The following YAP1 variants were observed in gnomAD, a reference collection of about 807,000 sequenced individuals.
YAP1 encodes the protein Yes1 associated transcriptional regulator, also known as transcriptional coactivator YAP1.
Under a neutral mutation model 56.9 loss-of-function variants are expected in YAP1, and 5 were observed. The ratio of observed to expected loss-of-function variants is 0.09; its 90% confidence interval spans 0.05 to 0.18. The LOEUF is 0.18. Ranked by LOEUF, YAP1 falls within the 10% of genes least tolerant of loss-of-function variation. The pLI is 1.00. For missense variants in YAP1, 539 were observed against 651.8 expected (o/e 0.83, Z 1.88); for synonymous variants, 265 against 248.1 (o/e 1.07, Z -0.64).
At chr11:102,221,131 A>G (rs1413597481) in intron 6 of YAP1, among the ~76,000 whole-genome samples, 1 of 152,224 alleles carries the variant, frequency 6.6e-6, no homozygotes, top group Non-Finnish European at 1.5e-5. Flanking sequence ...AAGCATGTTA[A>G]GAGGCATGGA....
At chr11:102,135,700 G>A (rs1299952524) in intron 2 of YAP1, among the ~76,000 whole-genome samples, 1 of 152,114 alleles carries the variant, frequency 6.6e-6, no homozygotes, top group Non-Finnish European at 1.5e-5. Context: ...TCAAGCCAAA[G>A]GAATTAGACT....
intron 2 of YAP1, among the ~76,000 whole-genome samples, chr11:102,159,195 G>GT: frequency 6.6e-6 from 1 of 152,106 alleles, no homozygotes; most frequent in Non-Finnish European, 1.5e-5. Flanking sequence ...GTTTGTTTGT[G>GT]TTTGTTTTTG....
intron 3 of YAP1, among the ~76,000 whole-genome samples, chr11:102,164,759 G>T (rs562907576): frequency 6.6e-6 from 1 of 151,860 alleles, no homozygotes; most frequent in South Asian, 2.1e-4. Flanking sequence ...TTTTGCTCTT[G>T]TAGCCCAGGC....
intron 7 of YAP1, among the ~76,000 whole-genome samples, chr11:102,226,730 A>G (rs1234347299): frequency 6.6e-6 from 1 of 152,134 alleles, no homozygotes; most frequent in Non-Finnish European, 1.5e-5. Context: ...TTTTCAAGGG[A>G]TGTGCCTTGC....
rs1184849921 is a variant in YAP1 at position 102,133,154 on chromosome 11, C to A, written c.572+18760C>A. On this transcript the variant is annotated intron_variant, in intron 2 of 8. Coordinates refer to ENST00000282441, the MANE Select transcript of YAP1 (RefSeq NM_001130145.3). ...GCCTGGCAACAGAGTGAGACTCCGT[C>A]TCAAAAATAAATAAATAAACAAACA... Among the ~76,000 whole-genome samples the A allele has an allele frequency of 3.8e-5, 5 of 132,186 alleles. No homozygotes were observed. In the East Asian group the frequency reaches 1.1e-3, roughly 30 times the overall value. 86.7% of individuals were successfully genotyped at this position (132,186 alleles called of 152,430 possible). A position where few individuals can be genotyped will look rare whatever the true frequency, so the allele number is the denominator to read the frequency against.
intron 2 of YAP1, among the ~76,000 whole-genome samples, chr11:102,129,795 CTTTTTTTTT>C (rs773044206): frequency 1.5e-4 from 15 of 102,088 alleles, no homozygotes; most frequent in Non-Finnish European, 2.6e-4. Flanking sequence ...GGAAGCAAAA[CTTTTTTTTT>C]TTTTTTTTTT....
chr11:102,132,454 C>A (rs1285235631), intron 2 of YAP1, among the ~76,000 whole-genome samples: 1 of 152,174 alleles, frequency 6.6e-6, no homozygotes, highest in East Asian at 1.9e-4. Context: ...CTTCTGATAT[C>A]AAAACACTTG....
rs540430039 is a variant in YAP1, at chr11:102,156,546, G to T, written c.573-5910G>T. Among the ~76,000 whole-genome samples, 5 of 152,166 alleles carry T rather than the reference G, an allele frequency of 3.3e-5. No individual in the cohort carries two copies. In the East Asian group the frequency reaches 9.6e-4, roughly 29 times the overall value. ...TCTTTTTTTGCCTTTTCCCTGTAAG[G>T]TGATTATTACGAAAAGAGCTAGGTG... On this transcript the variant is annotated intron_variant, in intron 2 of 8. Coordinates refer to ENST00000282441, the MANE Select transcript of YAP1 (RefSeq NM_001130145.3).
At chr11:102,154,243 C>G (rs1207400602) in intron 2 of YAP1, among the ~76,000 whole-genome samples, 1 of 152,128 alleles carries the variant, frequency 6.6e-6, no homozygotes, top group African/African-American at 2.4e-5. Context: ...AACAAATGTT[C>G]TGATTCTGGT....
chr11:102,147,546 T>C (rs1855223850), intron 2 of YAP1, among the ~76,000 whole-genome samples: 1 of 152,150 alleles, frequency 6.6e-6, no homozygotes, highest in Admixed American at 6.5e-5. Context: ...TATCCCTATT[T>C]ACAGATGAGG....
chr11:102,175,767 G>A (rs1024993429), intron 3 of YAP1, among the ~76,000 whole-genome samples: 1 of 152,178 alleles, frequency 6.6e-6, no homozygotes, highest in Non-Finnish European at 1.5e-5. Context: ...TCTAAACATA[G>A]AAGAGGTAAT....
chr11:102,115,554 G>GTT lies in YAP1; in HGVS notation c.572+1168_572+1169dup, dbSNP rs35987047. 8.0e-4 allele frequency among the ~76,000 whole-genome samples: 120 copies of GTT among 150,762 alleles called. 1 individual carries two copies. The highest frequency in any genetic ancestry group is 4.1e-3 in the Admixed American group (62 of 15,116). On this transcript the variant is annotated intron_variant, in intron 2 of 8. Transcript: ENST00000282441. Reference sequence around the variant, plus strand: ...GGTTTGATCATGAAAAGTTCGTACAGTTTTTTTTTGCCCCCTTTCCTGCAA... The same window carrying GTT: ...GGTTTGATCATGAAAAGTTCGTACAGTTTTTTTTTTTGCCCCCTTTCCTGCAA...
Position 102,223,644 on chromosome 11 carries a change from T to C in YAP1, c.1055T>C (p.Leu352Ser). ...TAGGAGTTAGCCCTGCGTAGCCAGT[T>C]ACCAACACTGGAGCAGGATGGTGGG... Reference protein sequence around the residue: ...KCQELALRSQLPTLEQDGGTQ... With the variant: ...KCQELALRSQSPTLEQDGGTQ... Residue 352 changes from leucine (L) to serine (S), a missense_variant, in exon 7 of 9, where the codon TTA becomes TCA. Physicochemically the swap from Leu to Ser is moderately radical, Grantham distance 145. Coordinates refer to ENST00000282441, the MANE Select transcript of YAP1 (RefSeq NM_001130145.3). 6.2e-7 allele frequency: 1 copy of C among 1,614,158 alleles called. No homozygotes were observed. The highest frequency in any genetic ancestry group is 8.5e-7 in the Non-Finnish European group (1 of 1,180,016).
At chr11:102,144,225 A>G (rs1435949476) in intron 2 of YAP1, among the ~76,000 whole-genome samples, 1 of 152,248 alleles carries the variant, frequency 6.6e-6, no homozygotes, top group African/African-American at 2.4e-5. Flanking sequence ...ATGCCTATAT[A>G]CATAGAGAAA....
intron 4 of YAP1, among the ~76,000 whole-genome samples, chr11:102,200,591 C>A (rs919618777): frequency 6.6e-6 from 1 of 151,118 alleles, no homozygotes; most frequent in Non-Finnish European, 1.5e-5. Context: ...ATTACAGGTG[C>A]CTGCCACCAC....
chr11:102,126,191 T>A (rs1487328045), intron 2 of YAP1, among the ~76,000 whole-genome samples: 2 of 152,160 alleles, frequency 1.3e-5, no homozygotes, highest in African/African-American at 4.8e-5. Flanking sequence ...GAATCCAGTT[T>A]ATAATTACAG....
At position 102,132,117 on chromosome 11, in the gene YAP1, C is replaced by CA. The variant is rs577086513; in HGVS notation, c.572+17731dup. ...TGGGCAACAGAGCGAGACCCTGTGTCAAAAAAAATAAAAAAAAAGAGTGAT... is the reference window on the plus strand; with the variant it reads ...TGGGCAACAGAGCGAGACCCTGTGTCAAAAAAAAATAAAAAAAAAGAGTGAT... On this transcript the variant is annotated intron_variant, in intron 2 of 8. Transcript: ENST00000282441. Among the ~76,000 whole-genome samples, 1,091 of 149,856 alleles carry CA rather than the reference C, an allele frequency of 7.3e-3. 6 individuals are homozygous for CA. The highest frequency in any genetic ancestry group is 0.012 in the Non-Finnish European group (842 of 67,526).
At chr11:102,133,689 A>G (rs1944505845) in intron 2 of YAP1, among the ~76,000 whole-genome samples, 2 of 152,226 alleles carry the variant, frequency 1.3e-5, no homozygotes, top group Non-Finnish European at 2.9e-5. Context: ...ATAAGTTTAG[A>G]TGACAATAGC....
chr11:102,209,117 A>T (rs1949266597), intron 5 of YAP1, among the ~76,000 whole-genome samples: 1 of 152,150 alleles, frequency 6.6e-6, no homozygotes, highest in Admixed American at 6.5e-5. Context: ...AGATTTTTTT[A>T]AAGTAATCAC....
Sources: allele counts gnomAD v4.1 joint callset (sites outside exome capture counted in the v4.1 genomes callset), GRCh38; gene constraint gnomAD v4.1.1; transcripts MANE v1.5; gene names NCBI Gene and HGNC (gene_info 2026-07-23, HGNC 2026-07-21).